Variants in MVP observed in about 807,000 individuals in gnomAD.
MVP encodes the protein lung resistance-related protein.
MVP carries 62 observed loss-of-function variants against 83.5 expected under a neutral mutation model. The ratio of observed to expected loss-of-function variants is 0.74; its 90% confidence interval spans 0.61 to 0.92. MVP has a LOEUF of 0.92. Ranked by LOEUF, MVP falls within the 40% of genes least tolerant of loss-of-function variation. The probability of loss-of-function intolerance (pLI) is 0.00; values close to 1 mark genes in which losing one functional copy is unlikely to be tolerated. For missense variants in MVP, 1,000 were observed against 1,203.4 expected, an observed-to-expected ratio of 0.83 and a Z score of 2.50; for synonymous variants, 505 against 504.1, an observed-to-expected ratio of 1.00 and a Z score of -0.02.
In MVP at chr16:29,841,197, A is replaced by AC. The variant is rs2150758378; in HGVS notation, c.1192-399_1192-398insC. 6.6e-6 allele frequency among the ~76,000 whole-genome samples: 1 copy of AC among 152,208 alleles called. No individual in the cohort carries two copies. The highest frequency in any genetic ancestry group is 2.4e-5 in the African/African-American group (1 of 41,528). Reference sequence around the variant, plus strand: ...AGCTGGAAGTCCAGCTTGGAATCCGAGGGAGCATCCGTGTACACAGCCTAC... The same window carrying AC: ...AGCTGGAAGTCCAGCTTGGAATCCGACGGGAGCATCCGTGTACACAGCCTAC... On this transcript the variant is annotated intron_variant, in intron 8 of 14. Coordinates refer to ENST00000357402, the MANE Select transcript of MVP (RefSeq NM_005115.5). The surrounding 1 kb of genome is among the most constrained non-coding windows in gnomAD (Gnocchi z 4.7).
intron 11 of MVP, among the ~76,000 whole-genome samples, chr16:29,845,399 T>C (rs1028196950): frequency 1.3e-5 from 2 of 152,034 alleles, no homozygotes; most frequent in Non-Finnish European, 2.9e-5. Flanking sequence ...GCTCCTTCAA[T>C]GCACAGCTTG....
chr16:29,828,126 A>G (rs142389538), intron 1 of MVP, among the ~76,000 whole-genome samples: 2,704 of 151,470 alleles, frequency 0.018, 85 homozygotes, highest in African/African-American at 0.063. Flanking sequence ...ATGCCCAGCT[A>G]ATTTTTGTAT....
chr16:29,845,745 C>T (rs939821715), intron 11 of MVP, 118 bp from the exon 12 acceptor site: 8 of 753,820 alleles, frequency 1.1e-5, no homozygotes, highest in Non-Finnish European at 1.7e-5. Context: ...GTATTGGGTG[C>T]CTTCTAGGGG....
intron 3 of MVP, chr16:29,833,463 C>A: frequency 3.0e-6 from 1 of 329,702 alleles, no homozygotes; most frequent in Non-Finnish European, 5.5e-6. Flanking sequence ...CCATGCCTGG[C>A]TACACTTTTT....
chr16:29,824,711 G>A (rs141295829), intron 1 of MVP, among the ~76,000 whole-genome samples: 3,264 of 152,170 alleles, frequency 0.021, 40 homozygotes, highest in Non-Finnish European at 0.025. Flanking sequence ...GCAGTGAGCC[G>A]AGATTGTGCC....
At chr16:29,822,238 A>C (rs2067368156) in intron 1 of MVP, among the ~76,000 whole-genome samples, 1 of 151,696 alleles carries the variant, frequency 6.6e-6, no homozygotes, top group Non-Finnish European at 1.5e-5. Flanking sequence ...GTTAATTGGC[A>C]GGAGTGGGAG....
chr16:29,841,151 C>G lies in MVP; in HGVS notation c.1192-445C>G, dbSNP rs143756659. Among the ~76,000 whole-genome samples the G allele has an allele frequency of 6.6e-6, 1 of 152,042 alleles. No individual in the cohort carries two copies. The highest frequency in any genetic ancestry group is 1.5e-5 in the Non-Finnish European group (1 of 67,992). On this transcript the variant is annotated intron_variant, in intron 8 of 14. Transcript: ENST00000357402. The surrounding 1 kb of genome is among the most constrained non-coding windows in gnomAD (Gnocchi z 4.7). ...CTTGATTTGACCTCGGGCCACATCT[C>G]CAACCTTCTCTAAGAATCCAAGCTG...
chr16:29,832,292 C>CTTTTTTT (rs36059297), intron 3 of MVP, among the ~76,000 whole-genome samples: 16 of 107,286 alleles, frequency 1.5e-4, no homozygotes, highest in South Asian at 3.0e-4. Flanking sequence ...ATTCTTGTAC[C>CTTTTTTT]TTTTTTTTTT....
intron 11 of MVP, among the ~76,000 whole-genome samples, chr16:29,845,323 C>A (rs544416528): frequency 6.6e-6 from 1 of 152,122 alleles, no homozygotes; most frequent in African/African-American, 2.4e-5. Context: ...CTAGCCTCCC[C>A]CTTCCATGCT....
At chr16:29,831,405 C>T (rs1191499538) in intron 3 of MVP, among the ~76,000 whole-genome samples, 6 of 152,182 alleles carry the variant, frequency 3.9e-5, no homozygotes, top group African/African-American at 1.4e-4. Flanking sequence ...CCACCTGCCT[C>T]GGCCTCCCAA....
chr16:29,840,047 T>TG (rs1425543483), intron 7 of MVP, 131 bp from the exon 8 acceptor site: 1 of 844,756 alleles, frequency 1.2e-6, no homozygotes, highest in Non-Finnish European at 1.8e-6. Flanking sequence ...TATTATGATG[T>TG]GGGGGTGGGG....
At chr16:29,842,598 C>T (rs1163388715) in intron 10 of MVP, among the ~76,000 whole-genome samples, 1 of 152,172 alleles carries the variant, frequency 6.6e-6, no homozygotes, top group Non-Finnish European at 1.5e-5. Flanking sequence ...AGCCACTGCA[C>T]CCGGTCAACC....
intron 7 of MVP, among the ~76,000 whole-genome samples, chr16:29,837,536 T>C (rs1056390250): frequency 1.3e-5 from 2 of 152,152 alleles, no homozygotes; most frequent in African/African-American, 4.8e-5. Context: ...GGTGGATCAC[T>C]TGAGGTCAGG....
intron 3 of MVP, chr16:29,831,844 T>C: frequency 2.5e-6 from 1 of 405,844 alleles, no homozygotes; most frequent in South Asian, 1.8e-5. Flanking sequence ...CCCGTTGGCC[T>C]CAGGCCTGGG....
chr16:29,823,629 G>A (rs568866401), intron 1 of MVP, among the ~76,000 whole-genome samples: 1 of 152,066 alleles, frequency 6.6e-6, no homozygotes, highest in Admixed American at 6.5e-5. Context: ...CAAGGCAGGC[G>A]GATCACGAGG....
At chr16:29,845,831 C>T (rs566803576) in intron 11 of MVP, 32 bp from the exon 12 acceptor site, 2 of 1,599,408 alleles carry the variant, frequency 1.3e-6, no homozygotes, top group African/African-American at 1.3e-5. Context: ...TGGCCCCATG[C>T]CAGCCTCTCA....
intron 8 of MVP, among the ~76,000 whole-genome samples, chr16:29,840,717 G>A (rs1183500149): frequency 2.6e-5 from 4 of 152,094 alleles, no homozygotes; most frequent in East Asian, 1.9e-4. Flanking sequence ...CGAGGCGGGC[G>A]GATCACCTGA....
At chr16:29,843,599 A>AGGGAGGGG (rs2067556067) in intron 10 of MVP, among the ~76,000 whole-genome samples, 1 of 28,586 alleles carries the variant, frequency 3.5e-5, no homozygotes, top group Non-Finnish European at 7.0e-5. Flanking sequence ...GAAGGGAGGG[A>AGGGAGGGG]GGGAGGGTCA....
chr16:29,845,793 G>A (rs933664554), intron 11 of MVP, 70 bp from the exon 12 acceptor site: 28 of 1,423,526 alleles, frequency 2.0e-5, no homozygotes, highest in East Asian at 1.6e-4. Flanking sequence ...GTTGGTGGCC[G>A]CTGCCCTTGG....
Sources: gnomAD v4.1 joint callset for allele counts (sites outside exome capture counted in the v4.1 genomes callset) on GRCh38, gnomAD v4.1.1 for gene constraint, Gnocchi (gnomAD v3.1) non-coding constraint, MANE v1.5 for transcripts, NCBI Gene and HGNC (gene_info 2026-07-23, HGNC 2026-07-21) for gene names.